The following RBFOX1 variants were observed in gnomAD, a reference collection of about 807,000 sequenced individuals.
The protein encoded by RBFOX1 is RNA binding fox-1 homolog 1, also known as RNA binding protein fox-1 homolog 1.
In RBFOX1, 8 loss-of-function variants were observed where a neutral mutation model predicts 57.7. That is an observed-to-expected ratio of 0.14 (90% confidence interval 0.08 to 0.25). RBFOX1 has a LOEUF of 0.25. Ranked by LOEUF, RBFOX1 falls within the 10% of genes least tolerant of loss-of-function variation. The probability of loss-of-function intolerance (pLI) is 1.00; values close to 1 mark genes in which losing one functional copy is unlikely to be tolerated. For synonymous variants in RBFOX1, 326 were observed against 222.4 expected (o/e 1.47, Z -4.15); for missense variants, 611 against 548.5 (o/e 1.11, Z -1.14).
intron 2 of RBFOX1, among the ~76,000 whole-genome samples, chr16:5,526,249 C>T (rs557692124): frequency 6.6e-6 from 1 of 152,028 alleles, no homozygotes; most frequent in East Asian, 1.9e-4. Context: ...CATGCCCTGA[C>T]AGCAACCCTA....
At chr16:6,038,596 T>A (rs768580770) in intron 1 of RBFOX1, 40 of 147,368 alleles carry the variant, frequency 2.7e-4, no homozygotes, top group South Asian at 1.1e-3. Flanking sequence ...AAAATCCATA[T>A]ATATATATAT....
In RBFOX1 at chr16:7,682,389, C is replaced by T. The variant is rs537918942; in HGVS notation, c.995+5551C>T. ...GTTCAGAAGGGATGGGAGAGTTTTC[C>T]ATGCCATCTTCCCAGCTGGGATACA... On this transcript the variant is annotated intron_variant, in intron 14 of 15. Transcript: ENST00000550418. 9.9e-5 allele frequency among the ~76,000 whole-genome samples: 15 copies of T among 152,064 alleles called. No individual in the cohort carries two copies. The South Asian group carries it at 3.1e-3, about 32-fold the overall frequency.
At chr16:6,549,788 T>C (rs532134313) in intron 2 of RBFOX1, among the ~76,000 whole-genome samples, 1 of 151,954 alleles carries the variant, frequency 6.6e-6, no homozygotes, top group Admixed American at 6.6e-5. Context: ...AGATGTAGAA[T>C]GGGGCAAGGG....
intron 3 of RBFOX1, among the ~76,000 whole-genome samples, chr16:6,758,839 A>ATG (rs2076190142): frequency 6.6e-6 from 1 of 152,180 alleles, no homozygotes. Context: ...ACTCTGGGTA[A>ATG]TGTGTTTACC....
chr16:7,578,177 C>T (rs1435388713), intron 5 of RBFOX1, among the ~76,000 whole-genome samples: 1 of 152,146 alleles, frequency 6.6e-6, no homozygotes, highest in East Asian at 1.9e-4. Context: ...GAATACATAC[C>T]AGGAACTTGG....
chr16:5,863,321 G>A (rs1054801303), intron 3 of RBFOX1, among the ~76,000 whole-genome samples: 3 of 152,320 alleles, frequency 2.0e-5, no homozygotes, highest in Non-Finnish European at 2.9e-5. Context: ...CGTCCGTTTT[G>A]CACCCTGCGC....
intron 1 of RBFOX1, among the ~76,000 whole-genome samples, chr16:5,396,672 A>T (rs2066566620): frequency 6.6e-6 from 1 of 152,054 alleles, no homozygotes; most frequent in Admixed American, 6.6e-5. Flanking sequence ...AAGAAGGAGG[A>T]AAGATCAAGA....
chr16:5,575,300 T>A (rs1000169535), intron 2 of RBFOX1, among the ~76,000 whole-genome samples: 1 of 152,210 alleles, frequency 6.6e-6, no homozygotes, highest in African/African-American at 2.4e-5. Flanking sequence ...GTCATCATCA[T>A]CATTTTCATT....
chr16:7,602,383 TG>T (rs1197211059), intron 9 of RBFOX1, among the ~76,000 whole-genome samples: 3 of 152,058 alleles, frequency 2.0e-5, no homozygotes, highest in Admixed American at 1.3e-4. Flanking sequence ...GTTGTGGGGC[TG>T]GGGGGGCCCT....
chr16:6,941,522 G>T (rs1307282980), intron 3 of RBFOX1, among the ~76,000 whole-genome samples: 1 of 151,954 alleles, frequency 6.6e-6, no homozygotes, highest in Non-Finnish European at 1.5e-5. Flanking sequence ...GGACCCTGCT[G>T]GTGGGTTTCC....
At chr16:7,494,250 G>A (rs1417556243) in intron 4 of RBFOX1, among the ~76,000 whole-genome samples, 1 of 152,194 alleles carries the variant, frequency 6.6e-6, no homozygotes. Context: ...GCACAGGCAA[G>A]CATCCCATTA....
chr16:6,915,718 A>T (rs2072991218), intron 3 of RBFOX1, among the ~76,000 whole-genome samples: 1 of 151,176 alleles, frequency 6.6e-6, no homozygotes, highest in South Asian at 2.1e-4. Flanking sequence ...GCCTGACTAA[A>T]TTTTTCTACT....
At chr16:7,328,010 T>A (rs1365460588) in intron 4 of RBFOX1, among the ~76,000 whole-genome samples, 1 of 152,102 alleles carries the variant, frequency 6.6e-6, no homozygotes, top group African/African-American at 2.4e-5. Context: ...TCCTTCTCTT[T>A]CATTGACGTC....
intron 1 of RBFOX1, among the ~76,000 whole-genome samples, chr16:6,132,918 T>A (rs1279134089): frequency 2.7e-5 from 4 of 146,892 alleles, no homozygotes; most frequent in African/African-American, 5.1e-5. Flanking sequence ...TGAGCCGAGA[T>A]CATGCCACTG....
chr16:6,321,599 A>G (rs1038006105), intron 2 of RBFOX1, among the ~76,000 whole-genome samples: 3 of 152,230 alleles, frequency 2.0e-5, no homozygotes, highest in African/African-American at 7.2e-5. Flanking sequence ...CAAATAGTAT[A>G]TCACCTCTGA....
chr16:6,163,690 A>G (rs1270386794), intron 1 of RBFOX1, among the ~76,000 whole-genome samples: 1 of 152,206 alleles, frequency 6.6e-6, no homozygotes, highest in Non-Finnish European at 1.5e-5. Context: ...TCCGCAGATC[A>G]TATTTTTAAA....
intron 4 of RBFOX1, among the ~76,000 whole-genome samples, chr16:7,309,073 G>A (rs942775826): frequency 2.0e-5 from 3 of 152,226 alleles, no homozygotes; most frequent in Non-Finnish European, 4.4e-5. Flanking sequence ...TTGTTTAAAG[G>A]AATTTAAGTG....
intron 3 of RBFOX1, among the ~76,000 whole-genome samples, chr16:6,948,236 A>G (rs7200577): frequency 0.62 from 94,007 of 151,722 alleles, 29,278 homozygotes; most frequent in Middle Eastern, 0.66. Flanking sequence ...ATTCAAGACC[A>G]GCCTGGGCAA....
chr16:7,209,974 C>T (rs1296281206), intron 4 of RBFOX1, among the ~76,000 whole-genome samples: 1 of 152,148 alleles, frequency 6.6e-6, no homozygotes, highest in East Asian at 1.9e-4. Context: ...CATTGATTCA[C>T]CTGTGCTTAT....
Sources: allele counts gnomAD v4.1 joint callset (sites outside exome capture counted in the v4.1 genomes callset), GRCh38; gene constraint gnomAD v4.1.1; transcripts MANE v1.5; gene names NCBI Gene and HGNC (gene_info 2026-07-23, HGNC 2026-07-21).